The following RABGAP1L variants were observed in gnomAD, a reference collection of about 807,000 sequenced individuals.
RABGAP1L encodes the protein RAB GTPase activating protein 1 like, also known as rab GTPase-activating protein 1-like.
A neutral mutation model predicts 137.7 loss-of-function variants in RABGAP1L; 63 were observed. The observed-to-expected ratio is 0.46, with a 90% CI of 0.37 to 0.56. The LOEUF (loss-of-function observed/expected upper bound fraction) is 0.56. Ranked by LOEUF, RABGAP1L falls within the 20% of genes least tolerant of loss-of-function variation. The pLI is 0.00. For synonymous variants in RABGAP1L, 431 were observed against 433.7 expected (o/e 0.99, Z 0.08); for missense variants, 1,095 against 1,244.0 (o/e 0.88, Z 1.80).
intron 17 of RABGAP1L, among the ~76,000 whole-genome samples, chr1:174,706,238 A>C (rs1218939514): frequency 2.6e-5 from 4 of 152,322 alleles, no homozygotes; most frequent in South Asian, 2.1e-4. Context: ...AGCCTGACTG[A>C]ACAACTGCTA....
At chr1:174,383,632 CTCGCCCTGCT>C (rs1571538138) in intron 12 of RABGAP1L, among the ~76,000 whole-genome samples, 1 of 152,310 alleles carries the variant, frequency 6.6e-6, no homozygotes, top group East Asian at 1.9e-4. Context: ...GAGGCAATGC[CTCGCCCTGCT>C]TCGGCTCGCG....
At chr1:174,390,717 T>C (rs1687154926) in intron 12 of RABGAP1L, among the ~76,000 whole-genome samples, 1 of 152,224 alleles carries the variant, frequency 6.6e-6, no homozygotes, top group Non-Finnish European at 1.5e-5. Flanking sequence ...AAATAAGATG[T>C]ATTAGACTTG....
chr1:174,479,454 C>T (rs879531943), intron 13 of RABGAP1L, among the ~76,000 whole-genome samples: 1 of 152,118 alleles, frequency 6.6e-6, no homozygotes, highest in Non-Finnish European at 1.5e-5. Flanking sequence ...CTTTTGAAAA[C>T]TCCTCAGATT....
chr1:174,640,994 T>TA (rs1674492413), intron 14 of RABGAP1L, among the ~76,000 whole-genome samples: 1 of 136,648 alleles, frequency 7.3e-6, no homozygotes, highest in African/African-American at 2.8e-5. Context: ...TAATTTTAGA[T>TA]TATATTAATT....
rs1553330329 is a variant in RABGAP1L, at chr1:174,551,014, A to ATATG, written c.1711-86358_1711-86357insGTAT. Among the ~76,000 whole-genome samples the ATATG allele has an allele frequency of 1.6e-5, 2 of 128,570 alleles. 1 individual carries two copies. Among genetic ancestry groups the ATATG allele is most frequent in the African/African-American group, 6.8e-5 (2 of 29,540 alleles). The allele number at this position is 128,570 out of a possible 152,430, so 84.3% of individuals were successfully genotyped here. ...TATATATACACATATATATATATAT[A>ATATG]TATATATACATACACACACACACAT... On this transcript the variant is annotated intron_variant, in intron 13 of 25. Coordinates refer to ENST00000681986, the MANE Select transcript of RABGAP1L (RefSeq NM_001366446.1).
chr1:174,904,464 A>G (rs899369216), intron 19 of RABGAP1L, among the ~76,000 whole-genome samples: 1 of 152,182 alleles, frequency 6.6e-6, no homozygotes, highest in Admixed American at 6.5e-5. Flanking sequence ...ACCCACAGGA[A>G]GCATCATGAC....
intron 18 of RABGAP1L, among the ~76,000 whole-genome samples, chr1:174,797,595 G>A (rs1368403569): frequency 6.9e-5 from 9 of 130,088 alleles, no homozygotes; most frequent in African/African-American, 2.4e-4. Context: ...GTATGTGGTG[G>A]TGTGTGGGCG....
At chr1:174,302,782 C>T (rs527988391) in intron 10 of RABGAP1L, among the ~76,000 whole-genome samples, 3 of 152,224 alleles carry the variant, frequency 2.0e-5, no homozygotes, top group Admixed American at 2.0e-4. Flanking sequence ...ATCTTCTTTG[C>T]TTTTGAGTGC....
intron 6 of RABGAP1L, among the ~76,000 whole-genome samples, chr1:174,250,843 A>G (rs898587183): frequency 2.0e-5 from 3 of 151,886 alleles, no homozygotes; most frequent in Non-Finnish European, 4.4e-5. Flanking sequence ...CCCAGGCTGG[A>G]GTGTGCATGT....
intron 25 of RABGAP1L, among the ~76,000 whole-genome samples, chr1:174,989,175 A>C (rs910949395): frequency 6.6e-6 from 1 of 151,976 alleles, no homozygotes; most frequent in Admixed American, 6.6e-5. Flanking sequence ...GAAAAACCAA[A>C]CCCCCTCTGC....
Position 174,318,696 on chromosome 1 carries a change from T to C in RABGAP1L, c.1465+13569T>C, listed in dbSNP as rs187038508. On this transcript the variant is annotated intron_variant, in intron 11 of 25. Transcript: ENST00000681986. ...ACTCTCTTTTAATCTTCCTTTGTGA[T>C]TAATAATATTTTATAATGGCATACT... is the stretch of plus-strand genomic sequence containing the variant. Among the ~76,000 whole-genome samples the C allele has an allele frequency of 3.9e-4, 59 of 151,718 alleles. No homozygotes were observed. In the East Asian group the frequency reaches 0.01, roughly 27 times the overall value.
chr1:174,318,596 C>T (rs947920809), intron 11 of RABGAP1L, among the ~76,000 whole-genome samples: 1 of 141,974 alleles, frequency 7.0e-6, no homozygotes, highest in African/African-American at 2.8e-5. Flanking sequence ...TTCTTTCTTT[C>T]TTTCTTTCTT....
chr1:174,232,994 G>C (rs1558054039), intron 4 of RABGAP1L, among the ~76,000 whole-genome samples: 1 of 152,032 alleles, frequency 6.6e-6, no homozygotes, highest in East Asian at 1.9e-4. Flanking sequence ...ATTTTTCACA[G>C]TTCTCGTGGT....
chr1:174,529,490 T>A (rs540949041), intron 13 of RABGAP1L, among the ~76,000 whole-genome samples: 1 of 152,186 alleles, frequency 6.6e-6, no homozygotes, highest in African/African-American at 2.4e-5. Context: ...TTTATGGGGA[T>A]TTGGATACCA....
chr1:174,576,700 T>TA (rs1668398856), intron 13 of RABGAP1L, among the ~76,000 whole-genome samples: 1 of 152,228 alleles, frequency 6.6e-6, no homozygotes, highest in Non-Finnish European at 1.5e-5. Context: ...GCTCACCTGA[T>TA]ATATCACACT....
At chr1:174,459,179 A>C (rs779666619) in intron 13 of RABGAP1L, among the ~76,000 whole-genome samples, 3 of 152,128 alleles carry the variant, frequency 2.0e-5, no homozygotes, top group African/African-American at 4.8e-5. Context: ...ATTTACACAA[A>C]ATTAAGCCAT....
chr1:174,615,997 T>TC (rs1557904613), intron 13 of RABGAP1L, among the ~76,000 whole-genome samples: 6 of 152,348 alleles, frequency 3.9e-5, no homozygotes, highest in Non-Finnish European at 5.9e-5. Flanking sequence ...TTTCTTTGGC[T>TC]AGCAAAGGGA....
intron 13 of RABGAP1L, among the ~76,000 whole-genome samples, chr1:174,438,456 C>T (rs1420672144): frequency 1.3e-5 from 2 of 151,880 alleles, no homozygotes; most frequent in South Asian, 2.1e-4. Flanking sequence ...CAGTGGCTCA[C>T]GTCTGTAATC....
chr1:174,413,547 C>T (rs1301188342), intron 13 of RABGAP1L, among the ~76,000 whole-genome samples: 1 of 152,152 alleles, frequency 6.6e-6, no homozygotes, highest in Non-Finnish European at 1.5e-5. Context: ...AATTCTTGTA[C>T]TGGTTCCTTC....
Sources: gnomAD v4.1 joint callset for allele counts (sites outside exome capture counted in the v4.1 genomes callset) on GRCh38, gnomAD v4.1.1 for gene constraint, MANE v1.5 for transcripts, NCBI Gene and HGNC (gene_info 2026-07-23, HGNC 2026-07-21) for gene names.